Variants in CEP290 observed in about 807,000 individuals in gnomAD.
The protein encoded by CEP290 is centrosomal protein of 290 kDa.
A neutral mutation model predicts 344.9 loss-of-function variants in CEP290; 317 were observed. The ratio of observed to expected loss-of-function variants is 0.92; its 90% CI spans 0.84 to 1.01. The LOEUF is 1.01. Among genes scored for constraint, CEP290 ranks in the 50% least tolerant of loss-of-function variants. The pLI is 0.00. For synonymous variants in CEP290, 932 were observed against 895.8 expected, an observed-to-expected ratio of 1.04 and a Z score of -0.72; for missense variants, 2,754 against 2,761.4, an observed-to-expected ratio of 1.00 and a Z score of 0.06.
intron 46 of CEP290, among the ~76,000 whole-genome samples, chr12:88,062,350 G>A (rs2034542385): frequency 6.6e-6 from 1 of 152,078 alleles, no homozygotes; most frequent in African/African-American, 2.4e-5. Context: ...ATACCAAGCT[G>A]GGAAGATATC....
intron 25 of CEP290, among the ~76,000 whole-genome samples, chr12:88,106,382 A>G (rs1255490529): frequency 2.6e-5 from 4 of 152,196 alleles, no homozygotes; most frequent in Non-Finnish European, 5.9e-5. Context: ...AAAAAATGTG[A>G]CTATAATCAG....
Position 88,118,643 on chromosome 12 carries a change from C to A in CEP290, c.1623G>T (p.Glu541Asp). ...YRAENQILLK[E>D]IESLEEERLD... Reference sequence around the variant, plus strand: ...ATAATCAACTGACTACCACACTTGCCTCTTTCAAAAGAATCTGGTTTTCAG... The same window carrying A: ...ATAATCAACTGACTACCACACTTGCATCTTTCAAAAGAATCTGGTTTTCAG... Residue 541 changes from glutamate (E) to aspartate (D), a missense_variant and splice_region_variant, in exon 16 of 54, where the codon GAG becomes GAT. Physicochemically the swap from Glu to Asp is conservative, Grantham distance 45 (BLOSUM62 2). Coordinates refer to ENST00000552810, the MANE Select transcript of CEP290 (RefSeq NM_025114.4). The A allele has an allele frequency of 6.2e-7, 1 of 1,612,980 alleles. No individual in the cohort carries two copies. The highest frequency in any genetic ancestry group is 8.5e-7 in the Non-Finnish European group (1 of 1,179,266).
chr12:88,103,066 A>T (rs1592575400), intron 25 of CEP290, 55 bp from the exon 26 acceptor site: 19 of 1,098,908 alleles, frequency 1.7e-5, no homozygotes. Context: ...CTGGTCAAGC[A>T]CTAGCCACTT....
At chr12:88,107,547 G>C (rs1410228173) in intron 23 of CEP290, among the ~76,000 whole-genome samples, 2 of 150,516 alleles carry the variant, frequency 1.3e-5, no homozygotes, top group Non-Finnish European at 3.0e-5. Context: ...AGTGACCAAA[G>C]TTAATAACAG....
At chr12:88,096,826 A>G (rs945641283) in intron 27 of CEP290, 62 bp downstream of exon 27, 1 of 849,574 alleles carries the variant, frequency 1.2e-6, no homozygotes, top group Non-Finnish European at 1.8e-6. Context: ...AAGGAACTTT[A>G]AATAAGAAAT....
intron 30 of CEP290, among the ~76,000 whole-genome samples, chr12:88,090,073 G>C (rs896663940): frequency 1.3e-5 from 2 of 152,002 alleles, no homozygotes; most frequent in Admixed American, 6.6e-5. Flanking sequence ...ATACTGATCA[G>C]GACAATGTGT....
At chr12:88,092,456 A>C (rs2137336311) in intron 29 of CEP290, among the ~76,000 whole-genome samples, 1 of 152,288 alleles carries the variant, frequency 6.6e-6, no homozygotes, top group African/African-American at 2.4e-5. Context: ...TGAACTCTAA[A>C]AAATGCAAAT....
chr12:88,054,878 T>C (rs933206670), intron 50 of CEP290, among the ~76,000 whole-genome samples: 4 of 152,034 alleles, frequency 2.6e-5, no homozygotes, highest in African/African-American at 9.7e-5. Context: ...ATGAGAATAT[T>C]TGGGTGAACA....
intron 41 of CEP290, among the ~76,000 whole-genome samples, chr12:88,074,723 A>AG (rs1057097843): frequency 6.6e-6 from 1 of 152,104 alleles, no homozygotes; most frequent in African/African-American, 2.4e-5. Context: ...CCCTAATACG[A>AG]GGGGGTCCTG....
Position 88,136,712 on chromosome 12 carries a change from T to C in CEP290, c.372A>G (p.Leu124=), listed in dbSNP as rs2040371763. ...CCTCCAATTCTCTATCTTTTTGTTC[T>C]AATTGTTTTTCAAGTTGGCAAATTT... ...RNEICQLEKQ[L]EQKDRELEDM... Residue 124 remains leucine (L), a synonymous_variant, in exon 6 of 54, where the codon TTA becomes TTG. Coordinates refer to ENST00000552810, the MANE Select transcript of CEP290 (RefSeq NM_025114.4). The C allele has an allele frequency of 6.2e-7, 1 of 1,613,748 alleles. No individual in the cohort carries two copies. The highest frequency in any genetic ancestry group is 2.2e-5 in the East Asian group (1 of 44,852).
rs1376228785 is a variant in CEP290, at chr12:88,118,574, C to T, written c.1624-4G>A. ...GTTCTTCCTCTAGACTTTCAATCTG[C>T]AAAGTATAAATTATTAGTATTTCTC... is the stretch of plus-strand genomic sequence containing the variant. On this transcript the variant is annotated splice_region_variant and splice_polypyrimidine_tract_variant and intron_variant, in intron 16 of 53. Coordinates refer to ENST00000552810, the MANE Select transcript of CEP290 (RefSeq NM_025114.4). 1 of 1,604,302 alleles carries T rather than the reference C, an allele frequency of 6.2e-7. No homozygotes were observed.
rs746213611 is a variant in CEP290 at position 88,089,316 on chromosome 12, G to A, written c.3745C>T (p.Leu1249Phe). The change falls in exon 31 of 54, where the codon CTC becomes TTC. Residue 1249 changes from leucine to phenylalanine, a missense_variant. By Grantham distance (22) the Leu-to-Phe change is conservative (BLOSUM62 0). Coordinates refer to ENST00000552810, the MANE Select transcript of CEP290 (RefSeq NM_025114.4). ...EQKLDEKEQA[L>F]YYARLEGRNR... ...CTTCCCTCCAAACGAGCATAATAGA[G>A]AGCCTGTTCTTTTTCATCAAGTTTC... 6.2e-7 allele frequency: 1 copy of A among 1,613,906 alleles called. No individual in the cohort carries two copies. The highest frequency in any genetic ancestry group is 2.2e-5 in the East Asian group (1 of 44,854).
intron 5 of CEP290, among the ~76,000 whole-genome samples, chr12:88,138,803 G>C (rs1331063556): frequency 6.6e-6 from 1 of 152,038 alleles, no homozygotes; most frequent in African/African-American, 2.4e-5. Flanking sequence ...TCATATTTTA[G>C]CCTTCAGCTT....
chr12:88,052,607 C>T (rs925982105), intron 52 of CEP290, among the ~76,000 whole-genome samples: 5 of 152,038 alleles, frequency 3.3e-5, no homozygotes, highest in South Asian at 2.1e-4. Context: ...ACTGCTGCTA[C>T]GGGAAATATG....
Position 88,086,462 on chromosome 12 carries a change from C to A in CEP290, c.4231G>T (p.Glu1411Ter). ...EERQMAWDQR[E>*]VDLERQLDIF... Reference sequence around the variant, plus strand: ...TCTAGTTGGCGTTCCAGGTCAACTTCTCTTTGATCCCAGGCCATTTGTCTT... The same window carrying A: ...TCTAGTTGGCGTTCCAGGTCAACTTATCTTTGATCCCAGGCCATTTGTCTT... Residue 1411 changes from glutamate to a stop codon, truncating the protein, a stop_gained, in exon 33 of 54, where the codon GAA becomes TAA. Coordinates refer to ENST00000552810, the MANE Select transcript of CEP290 (RefSeq NM_025114.4). LOFTEE classifies it high-confidence loss of function. The A allele has an allele frequency of 2.5e-6, 4 of 1,599,730 alleles. No homozygotes were observed. Among genetic ancestry groups the A allele is most frequent in the Non-Finnish European group, 3.4e-6 (4 of 1,171,662 alleles).
At position 88,121,068 on chromosome 12, in the gene CEP290, C is replaced by G. The variant is rs767366207; in HGVS notation, c.1288G>C (p.Ala430Pro). The G allele has an allele frequency of 2.5e-5, 41 of 1,613,442 alleles. No individual in the cohort carries two copies. Among genetic ancestry groups the G allele is most frequent in the Non-Finnish European group, 3.2e-5 (38 of 1,179,680 alleles). ...TCCTTTTCCCTAGCATCAGCCTCAG[C>G]CAGTTCAGCTGTTCTCTCAGCCTCT... is the stretch of plus-strand genomic sequence containing the variant. ...TKEAERTAELAEADAREKDKE... is the reference protein window; with the variant it reads ...TKEAERTAELPEADAREKDKE... The change falls in exon 14 of 54, where the codon GCT becomes CCT. Residue 430 changes from alanine to proline, a missense_variant. Physicochemically the swap from Ala to Pro is conservative, Grantham distance 27. Transcript: ENST00000552810.
intron 1 of CEP290, 57 bp from the exon 2 acceptor site, chr12:88,141,391 C>G: frequency 3.7e-6 from 3 of 811,470 alleles, no homozygotes; most frequent in Non-Finnish European, 5.6e-6. Flanking sequence ...TATTGGTTTT[C>G]TAGCACCTTA....
intron 4 of CEP290, 98 bp downstream of exon 4, chr12:88,139,393 GAATA>G: frequency 3.2e-6 from 2 of 632,920 alleles, no homozygotes; most frequent in South Asian, 4.3e-5. Context: ...AAAATAAACT[GAATA>G]TATATATTTT....
At chr12:88,120,055 T>TAA in intron 15 of CEP290, 59 bp downstream of exon 15, 1 of 1,116,406 alleles carries the variant, frequency 9.0e-7, no homozygotes, top group Admixed American at 3.6e-5. Flanking sequence ...AAATTTAAAT[T>TAA]AAAAAAAAAG....
Sources: gnomAD v4.1 joint callset for allele counts (sites outside exome capture counted in the v4.1 genomes callset) on GRCh38, gnomAD v4.1.1 for gene constraint, MANE v1.5 for transcripts, NCBI Gene and HGNC (gene_info 2026-07-23, HGNC 2026-07-21) for gene names.